The following ATXN10 variants were observed in gnomAD, a reference collection of about 807,000 sequenced individuals.
ATXN10 encodes ataxin 10, also known as ataxin-10.
A neutral mutation model predicts 52.9 loss-of-function variants in ATXN10; 28 were observed. The observed-to-expected ratio is 0.53, with a 90% confidence interval of 0.39 to 0.73. The LOEUF (loss-of-function observed/expected upper bound fraction) is 0.73. Among genes scored for constraint, ATXN10 ranks in the 30% least tolerant of loss-of-function variants. The pLI is 0.00. For missense variants in ATXN10, 565 were observed against 577.0 expected (o/e 0.98, Z 0.21); for synonymous variants, 226 against 221.5 (o/e 1.02, Z -0.18).
intron 7 of ATXN10, among the ~76,000 whole-genome samples, chr22:45,735,075 C>T (rs185624062): frequency 1.3e-5 from 2 of 151,998 alleles, no homozygotes; most frequent in Admixed American, 1.3e-4. Flanking sequence ...GATGGGGTTT[C>T]GCCTTGTTGG....
chr22:45,765,144 C>G (rs2146834211), intron 9 of ATXN10, among the ~76,000 whole-genome samples: 1 of 152,260 alleles, frequency 6.6e-6, no homozygotes, highest in African/African-American at 2.4e-5. Context: ...TACCGGGAGC[C>G]AAGGAGATTG....
intron 3 of ATXN10, among the ~76,000 whole-genome samples, chr22:45,694,260 C>A (rs868548634): frequency 3.3e-5 from 5 of 151,794 alleles, no homozygotes; most frequent in Admixed American, 2.6e-4. Flanking sequence ...ATTATCTTAA[C>A]ATAATGTTTA....
intron 10 of ATXN10, chr22:45,811,879 C>G (rs979860062): frequency 4.6e-6 from 2 of 437,896 alleles, no homozygotes; most frequent in Admixed American, 4.8e-5. Flanking sequence ...CCACTCCCCA[C>G]ACCACCTTGC....
At chr22:45,800,573 C>G (rs911825894) in intron 9 of ATXN10, among the ~76,000 whole-genome samples, 3 of 152,064 alleles carry the variant, frequency 2.0e-5, no homozygotes, top group African/African-American at 7.2e-5. Context: ...TTCATATGAC[C>G]CAGCAATTTC....
At chr22:45,804,716 C>T (rs1225823228) in intron 9 of ATXN10, among the ~76,000 whole-genome samples, 1 of 152,058 alleles carries the variant, frequency 6.6e-6, no homozygotes, top group East Asian at 1.9e-4. Flanking sequence ...ATTTTTATAA[C>T]TTTAAATTTA....
Position 45,740,414 on chromosome 22 carries a change from T to A in ATXN10, c.1049T>A (p.Ile350Asn). 6.2e-7 allele frequency: 1 copy of A among 1,613,908 alleles called. No homozygotes were observed. Among genetic ancestry groups the A allele is most frequent in the Non-Finnish European group, 8.5e-7 (1 of 1,179,920 alleles). ...GTAGCTGGAAAAGAAACCACAAACA[T>A]CTTCAGTAATTGTGGTTGCGTGAGA... ...IHVAGKETTN[I>N]FSNCGCVRAE... Residue 350 changes from isoleucine (I) to asparagine (N), a missense_variant, in exon 9 of 12, where the codon ATC becomes AAC. Transcript: ENST00000252934.
rs564464604 is a variant in ATXN10, at chr22:45,745,024, C to G, written c.1173+4486C>G. On this transcript the variant is annotated intron_variant, in intron 9 of 11. Coordinates refer to ENST00000252934, the MANE Select transcript of ATXN10 (RefSeq NM_013236.4). Reference sequence around the variant, plus strand: ...TCTTACCTTGTTTTTTTGTTCTCGACTTGTGTAGTATTTCCTTGCTACAAC... The same window carrying G: ...TCTTACCTTGTTTTTTTGTTCTCGAGTTGTGTAGTATTTCCTTGCTACAAC... Among the ~76,000 whole-genome samples the G allele has an allele frequency of 1.4e-4, 21 of 152,180 alleles. No homozygotes were observed. The South Asian group carries it at 2.7e-3, about 20-fold the overall frequency.
In ATXN10 at chr22:45,843,470, G is replaced by C. The variant is rs1031890584; in HGVS notation, c.1426-199G>C. On this transcript the variant is annotated intron_variant, in intron 11 of 11. Transcript: ENST00000252934. The surrounding 1 kb of genome is among the most constrained non-coding windows in gnomAD (Gnocchi z 4.5). ...AAAAGTAAGTTACTCATAGGAATTA[G>C]ATTTTCTTTAAAAGATAGTTAATGT... Among the ~76,000 whole-genome samples the C allele has an allele frequency of 2.0e-5, 3 of 152,184 alleles. No individual in the cohort carries two copies. The highest frequency in any genetic ancestry group is 7.2e-5 in the African/African-American group (3 of 41,446).
chr22:45,763,149 C>G lies in ATXN10; in HGVS notation c.1173+22611C>G, dbSNP rs373553150. 3.7e-4 allele frequency among the ~76,000 whole-genome samples: 56 copies of G among 152,288 alleles called. No individual in the cohort carries two copies. In the East Asian group the frequency reaches 7.5e-3, roughly 20 times the overall value. On this transcript the variant is annotated intron_variant, in intron 9 of 11. Transcript: ENST00000252934. The surrounding 1 kb of genome is among the most constrained non-coding windows in gnomAD (Gnocchi z 6.9). Reference sequence around the variant, plus strand: ...TGATGTTTCTGTGGCCTTCCTACCCCCTCTCCCTCACCCTGGTGACTCTCA... The same window carrying G: ...TGATGTTTCTGTGGCCTTCCTACCCGCTCTCCCTCACCCTGGTGACTCTCA...
rs141569420 is a variant in ATXN10, at chr22:45,777,207, GC to G, written c.1174-29750del. ...GTCATACTTTGTTACACACTGAATAGCCTATAATTATCAAGATTATATCCAG... is the reference window on the plus strand; with the variant it reads ...GTCATACTTTGTTACACACTGAATAGCTATAATTATCAAGATTATATCCAG... On this transcript the variant is annotated intron_variant, in intron 9 of 11. Transcript: ENST00000252934. Among the ~76,000 whole-genome samples the G allele has an allele frequency of 8.5e-3, 1,290 of 152,272 alleles. 11 individuals are homozygous for G. The highest frequency in any genetic ancestry group is 0.029 in the African/African-American group (1,209 of 41,532).
Position 45,774,948 on chromosome 22 carries a change from CAAAT to C in ATXN10, c.1174-31999_1174-31996del, listed in dbSNP as rs982679730. On this transcript the variant is annotated intron_variant, in intron 9 of 11. Transcript: ENST00000252934. The surrounding 1 kb of genome is among the most constrained non-coding windows in gnomAD (Gnocchi z 6.2). ...GAGTGAGACTCTGTCTCAAAACAAACAAATAAATAAATAAAGGCAGGGGTCGGAG... is the reference window on the plus strand; with the variant it reads ...GAGTGAGACTCTGTCTCAAAACAAACAAATAAATAAAGGCAGGGGTCGGAG... Among the ~76,000 whole-genome samples the C allele has an allele frequency of 1.7e-4, 26 of 151,920 alleles. No individual in the cohort carries two copies. Among genetic ancestry groups the C allele is most frequent in the East Asian group, 7.7e-4 (4 of 5,170 alleles).
intron 7 of ATXN10, chr22:45,734,419 T>C (rs1372343159): frequency 3.9e-6 from 1 of 257,712 alleles, no homozygotes; most frequent in Non-Finnish European, 8.3e-6. Flanking sequence ...TAAACTATTG[T>C]TTACGTAATT....
intron 5 of ATXN10, among the ~76,000 whole-genome samples, chr22:45,703,089 C>T (rs781564169): frequency 2.6e-5 from 4 of 152,064 alleles, no homozygotes; most frequent in Non-Finnish European, 4.4e-5. Context: ...TGGTGAGGAG[C>T]GGGAAAGACA....
chr22:45,795,503 C>T lies in ATXN10; in HGVS notation c.1174-11456C>T, dbSNP rs925153249. Among the ~76,000 whole-genome samples, 1 of 151,896 alleles carries T rather than the reference C, an allele frequency of 6.6e-6. No homozygotes were observed. The highest frequency in any genetic ancestry group is 1.5e-5 in the Non-Finnish European group (1 of 67,986). On this transcript the variant is annotated intron_variant, in intron 9 of 11. Transcript: ENST00000252934. This position sits in a 1 kb window ranked among gnomAD's most constrained non-coding sequence, Gnocchi z 4.6. Reference sequence around the variant, plus strand: ...TCAGCTCACTGCAACCTCTGCCTACCAGGTTCAAGCAATTCTCCTGCCTCA... The same window carrying T: ...TCAGCTCACTGCAACCTCTGCCTACTAGGTTCAAGCAATTCTCCTGCCTCA...
At chr22:45,817,026 A>G (rs1928483740) in intron 10 of ATXN10, among the ~76,000 whole-genome samples, 2 of 152,070 alleles carry the variant, frequency 1.3e-5, no homozygotes, top group Non-Finnish European at 2.9e-5. Flanking sequence ...ATAGCAATGA[A>G]TTTCCATGCC....
intron 2 of ATXN10, among the ~76,000 whole-genome samples, chr22:45,692,748 G>T (rs748389400): frequency 6.6e-6 from 1 of 152,172 alleles, no homozygotes; most frequent in African/African-American, 2.4e-5. Context: ...ATAAAGCAAA[G>T]AATCTGAGTC....
At chr22:45,734,869 A>ATATTATTAT (rs10625108) in intron 7 of ATXN10, among the ~76,000 whole-genome samples, 4,795 of 142,324 alleles carry the variant, frequency 0.034, 199 homozygotes, top group African/African-American at 0.098. Flanking sequence ...GAAATGGGTT[A>ATATTATTAT]TATTATTATT....
In ATXN10 at chr22:45,844,571, ATCTG is replaced by A. The variant is rs1336373480; in HGVS notation, c.*910_*913del. 6.6e-6 allele frequency: 1 copy of A among 152,208 alleles called. No homozygotes were observed. Among genetic ancestry groups the A allele is most frequent in the Non-Finnish European group, 1.5e-5 (1 of 68,028 alleles). 9.4% of individuals were successfully genotyped at this position (152,208 alleles called of 1,614,324 possible). ...GCAGGAGTTTATTTGACATCTAGTT[ATCTG>A]TCTGTCTGTTCATCTATCTATCTGT... On this transcript the variant is annotated 3_prime_UTR_variant, in exon 12 of 12. Coordinates refer to ENST00000252934, the MANE Select transcript of ATXN10 (RefSeq NM_013236.4).
At position 45,712,036 on chromosome 22, in the gene ATXN10, G is replaced by C. The variant is rs893569159; in HGVS notation, c.648-6377G>C. ...TCTTCTGTAAACATTGACTGGCAAGGGTATTGAGAAGTTTGGGAATTAGAA... is the reference window on the plus strand; with the variant it reads ...TCTTCTGTAAACATTGACTGGCAAGCGTATTGAGAAGTTTGGGAATTAGAA... On this transcript the variant is annotated intron_variant, in intron 5 of 11. Coordinates refer to ENST00000252934, the MANE Select transcript of ATXN10 (RefSeq NM_013236.4). This position sits in a 1 kb window ranked among gnomAD's most constrained non-coding sequence, Gnocchi z 4.6. Among the ~76,000 whole-genome samples, 9 of 152,152 alleles carry C rather than the reference G, an allele frequency of 5.9e-5. No individual in the cohort carries two copies. Among genetic ancestry groups the C allele is most frequent in the African/African-American group, 1.9e-4 (8 of 41,434 alleles).
Sources: allele counts gnomAD v4.1 joint callset (sites outside exome capture counted in the v4.1 genomes callset), GRCh38; gene constraint gnomAD v4.1.1; non-coding constraint Gnocchi (gnomAD v3.1); transcripts MANE v1.5; gene names NCBI Gene and HGNC (gene_info 2026-07-23, HGNC 2026-07-21).